CNTN3: variants seen among roughly 807,000 people sequenced by gnomAD.
CNTN3 encodes contactin-3.
CNTN3 carries 60 observed loss-of-function variants against 119.1 expected under a neutral mutation model. The ratio of observed to expected loss-of-function variants is 0.50; its 90% CI spans 0.41 to 0.62. The LOEUF is 0.62. Among genes scored for constraint, CNTN3 ranks in the 20% least tolerant of loss-of-function variants. The probability of loss-of-function intolerance (pLI) is 0.00; values close to 1 mark genes in which losing one functional copy is unlikely to be tolerated. For synonymous variants in CNTN3, 450 were observed against 438.7 expected (o/e 1.03, Z -0.32); for missense variants, 1,101 against 1,242.4 (o/e 0.89, Z 1.71).
At chr3:74,265,442 CAAT>C (rs1488107149) in intron 22 of CNTN3, among the ~76,000 whole-genome samples, 2 of 152,128 alleles carry the variant, frequency 1.3e-5, no homozygotes, top group African/African-American at 2.4e-5. Context: ...AAATTAACAA[CAAT>C]AATAAACTAA....
chr3:74,325,351 C>T (rs1323055712), intron 13 of CNTN3, among the ~76,000 whole-genome samples: 1 of 152,136 alleles, frequency 6.6e-6, no homozygotes, highest in African/African-American at 2.4e-5. Flanking sequence ...TATCAACTCC[C>T]AATTTTCTTG....
chr3:74,472,363 G>A (rs1171489363), intron 4 of CNTN3, among the ~76,000 whole-genome samples: 6 of 152,112 alleles, frequency 3.9e-5, no homozygotes, highest in African/African-American at 1.2e-4. Context: ...GAATAGGTAG[G>A]TAAACATAGC....
intron 1 of CNTN3, among the ~76,000 whole-genome samples, chr3:74,605,599 T>C (rs796486466): frequency 5.3e-5 from 8 of 152,218 alleles, no homozygotes; most frequent in African/African-American, 1.9e-4. Flanking sequence ...AGTCATCTGA[T>C]AGCTTAATTG....
chr3:74,370,086 A>G (rs1704300175), intron 6 of CNTN3, 95 bp from the exon 7 acceptor site: 2 of 674,554 alleles, frequency 3.0e-6, no homozygotes, highest in South Asian at 2.0e-5. Flanking sequence ...CCCATTTTGA[A>G]CCAGCTCTTC....
chr3:74,312,380 C>T (rs552027054), intron 13 of CNTN3, among the ~76,000 whole-genome samples: 4 of 137,460 alleles, frequency 2.9e-5, no homozygotes, highest in East Asian at 2.6e-4. Context: ...GGCATGAACC[C>T]GGGAGGCGGA....
At chr3:74,409,713 A>G (rs534592587) in intron 5 of CNTN3, among the ~76,000 whole-genome samples, 3 of 152,218 alleles carry the variant, frequency 2.0e-5, no homozygotes, top group African/African-American at 7.2e-5. Flanking sequence ...TGAGACTCAC[A>G]GGTTATCTGT....
intron 5 of CNTN3, among the ~76,000 whole-genome samples, chr3:74,400,762 G>T (rs1295774328): frequency 6.6e-6 from 1 of 152,124 alleles, no homozygotes; most frequent in East Asian, 1.9e-4. Flanking sequence ...GCTTTATAAA[G>T]CAGTGCTGGT....
chr3:74,584,692 T>C (rs571312383), intron 1 of CNTN3, among the ~76,000 whole-genome samples: 6 of 152,192 alleles, frequency 3.9e-5, no homozygotes, highest in Non-Finnish European at 8.8e-5. Flanking sequence ...ACATCTTGTT[T>C]CACATAAGGT....
In CNTN3 at chr3:74,424,858, TG is replaced by T. The variant is rs1160186744; in HGVS notation, c.440del (p.Pro147HisfsTer52). On this transcript the variant is annotated frameshift_variant, in exon 5 of 23. Transcript: ENST00000263665. LOFTEE classifies it high-confidence loss of function. ...GQGVVLLCGP[P>X]PHSGELSYAW... ...AGCATGACTTACCTCCAGAGTGTGG[TG>T]GGGGGCCGCAGAGCAGCACAACTCC... 1 of 1,613,524 alleles carries T rather than the reference TG, an allele frequency of 6.2e-7. No individual in the cohort carries two copies. The highest frequency in any genetic ancestry group is 8.5e-7 in the Non-Finnish European group (1 of 1,179,672).
chr3:74,611,946 C>T (rs976522617), intron 1 of CNTN3, among the ~76,000 whole-genome samples: 4 of 152,162 alleles, frequency 2.6e-5, no homozygotes, highest in Non-Finnish European at 5.9e-5. Context: ...ATAAAATTAA[C>T]ATTAGTTTTA....
At chr3:74,489,448 C>T (rs1702921392) in intron 3 of CNTN3, among the ~76,000 whole-genome samples, 1 of 75,982 alleles carries the variant, frequency 1.3e-5, no homozygotes, top group South Asian at 4.0e-4. Flanking sequence ...TCTTCCTTCC[C>T]TTCCTCCCTT....
At chr3:74,292,162 T>C (rs1702244203) in intron 19 of CNTN3, among the ~76,000 whole-genome samples, 1 of 152,190 alleles carries the variant, frequency 6.6e-6, no homozygotes, top group Admixed American at 6.5e-5. Flanking sequence ...TTAAGGGAGA[T>C]TACTGTCAAT....
chr3:74,478,998 T>C (rs1313700930), intron 4 of CNTN3, among the ~76,000 whole-genome samples: 1 of 151,984 alleles, frequency 6.6e-6, no homozygotes, highest in Non-Finnish European at 1.5e-5. Flanking sequence ...AAAAACTCAA[T>C]AGAAGTGTTT....
chr3:74,299,610 C>T lies in CNTN3; in HGVS notation c.2166+258G>A, dbSNP rs80218401. Among the ~76,000 whole-genome samples the T allele has an allele frequency of 6.0e-3, 909 of 152,276 alleles. 10 individuals carry two copies. Among genetic ancestry groups the T allele is most frequent in the African/African-American group, 0.021 (873 of 41,550 alleles). ...AAGGATGACATGAGGAAAATACATG[C>T]TAAATGCTGGGAATAGTGGATGGCT... On this transcript the variant is annotated intron_variant, in intron 17 of 22. Transcript: ENST00000263665.
chr3:74,368,233 G>A (rs1017570794), intron 8 of CNTN3, among the ~76,000 whole-genome samples: 22 of 152,026 alleles, frequency 1.4e-4, no homozygotes, highest in Non-Finnish European at 2.8e-4. Context: ...TTTTCAAGGC[G>A]GGGTGTCATA....
chr3:74,319,887 CATTT>C (rs1053401920), intron 13 of CNTN3, among the ~76,000 whole-genome samples: 3 of 151,602 alleles, frequency 2.0e-5, no homozygotes, highest in African/African-American at 7.3e-5. Context: ...CAAAAGAAGA[CATTT>C]ATGCAGCCAA....
intron 4 of CNTN3, among the ~76,000 whole-genome samples, chr3:74,450,254 T>C (rs2106946215): frequency 6.6e-6 from 1 of 152,232 alleles, no homozygotes; most frequent in African/African-American, 2.4e-5. Context: ...CAAATTTTTT[T>C]AATCTTGCAG....
intron 11 of CNTN3, among the ~76,000 whole-genome samples, chr3:74,351,307 T>C (rs1197588095): frequency 6.6e-6 from 1 of 152,204 alleles, no homozygotes; most frequent in Non-Finnish European, 1.5e-5. Flanking sequence ...ACAGGAAACC[T>C]TGGGTTTATC....
intron 5 of CNTN3, among the ~76,000 whole-genome samples, chr3:74,395,910 C>T (rs1412539570): frequency 2.0e-5 from 3 of 152,164 alleles, no homozygotes; most frequent in Admixed American, 6.5e-5. Flanking sequence ...ATTATTATTA[C>T]ATCTGTCATG....
Sources: gnomAD v4.1 joint callset for allele counts (sites outside exome capture counted in the v4.1 genomes callset) on GRCh38, gnomAD v4.1.1 for gene constraint, MANE v1.5 for transcripts, NCBI Gene and HGNC (gene_info 2026-07-23, HGNC 2026-07-21) for gene names.